The following GRIP1 variants were observed in gnomAD, a reference collection of about 807,000 sequenced individuals.
GRIP1 encodes glutamate receptor interacting protein 1.
A neutral mutation model predicts 129.9 loss-of-function variants in GRIP1; 45 were observed. The observed-to-expected ratio is 0.35, with a 90% CI of 0.27 to 0.44. GRIP1 has a LOEUF of 0.44. GRIP1 is among the 20% of genes least tolerant of loss of function. The pLI is 1.00. For missense variants in GRIP1, 1,196 were observed against 1,396.8 expected, an observed-to-expected ratio of 0.86 and a Z score of 2.29; for synonymous variants, 530 against 520.8, an observed-to-expected ratio of 1.02 and a Z score of -0.24.
chr12:66,772,841 T>G (rs944380317), intron 1 of GRIP1, among the ~76,000 whole-genome samples: 4 of 152,072 alleles, frequency 2.6e-5, no homozygotes, highest in African/African-American at 9.7e-5. Context: ...TTAGACTGAT[T>G]ATTGAAACCC....
rs932594999 is a variant in GRIP1 at position 66,672,545 on chromosome 12, A to C, written c.55+6305T>G. 2.0e-5 allele frequency among the ~76,000 whole-genome samples: 3 copies of C among 152,060 alleles called. No homozygotes were observed. The East Asian group carries it at 5.8e-4, about 29-fold the overall frequency. On this transcript the variant is annotated intron_variant, in intron 1 of 24. Transcript: ENST00000359742. ...ACAAATAATTATTTTAAAAATCTGC[A>C]AATAAGATTTTCTTCTGTATATTTA...
intron 24 of GRIP1, among the ~76,000 whole-genome samples, chr12:66,353,091 T>A (rs1008246349): frequency 6.6e-6 from 1 of 151,642 alleles, no homozygotes; most frequent in Non-Finnish European, 1.5e-5. Flanking sequence ...GTGCCTGGAG[T>A]CGGATAACTA....
chr12:67,058,270 G>T (rs559615808), intron 1 of GRIP1, among the ~76,000 whole-genome samples: 10 of 152,128 alleles, frequency 6.6e-5, no homozygotes, highest in Non-Finnish European at 1.5e-4. Flanking sequence ...CTCAAATGAT[G>T]AACTGTGCCT....
At chr12:66,631,668 G>A (rs2030800565) in intron 1 of GRIP1, among the ~76,000 whole-genome samples, 1 of 152,088 alleles carries the variant, frequency 6.6e-6, no homozygotes, top group Non-Finnish European at 1.5e-5. Flanking sequence ...GACTTTCTGT[G>A]TAACAAAGGG....
At chr12:66,615,329 C>A (rs2064993720) in intron 1 of GRIP1, among the ~76,000 whole-genome samples, 1 of 152,116 alleles carries the variant, frequency 6.6e-6, no homozygotes, top group Non-Finnish European at 1.5e-5. Context: ...AGTTATAGTG[C>A]AACCCTCTTT....
intron 1 of GRIP1, among the ~76,000 whole-genome samples, chr12:66,996,126 AG>A (rs1235121209): frequency 2.0e-5 from 3 of 152,038 alleles, no homozygotes; most frequent in Non-Finnish European, 2.9e-5. Flanking sequence ...GTAGTTGTCT[AG>A]GGGTAGAGAC....
chr12:66,540,529 G>A (rs1433769014), intron 3 of GRIP1, among the ~76,000 whole-genome samples: 2 of 152,152 alleles, frequency 1.3e-5, no homozygotes, highest in Non-Finnish European at 2.9e-5. Context: ...CTTCTTAAAA[G>A]CCTAAAGAAA....
chr12:66,376,408 A>C (rs985601813), intron 22 of GRIP1, among the ~76,000 whole-genome samples: 1 of 152,214 alleles, frequency 6.6e-6, no homozygotes, highest in African/African-American at 2.4e-5. Flanking sequence ...ACAGCTCAGA[A>C]AATTTAAAAG....
At chr12:66,955,443 A>G (rs535544878) in intron 1 of GRIP1, among the ~76,000 whole-genome samples, 1 of 151,234 alleles carries the variant, frequency 6.6e-6, no homozygotes, top group Admixed American at 6.6e-5. Context: ...AAATATTTCC[A>G]TTTATCATCC....
intron 1 of GRIP1, among the ~76,000 whole-genome samples, chr12:66,978,214 T>C (rs951473368): frequency 6.6e-6 from 1 of 152,106 alleles, no homozygotes; most frequent in Admixed American, 6.6e-5. Context: ...GACTCAACTC[T>C]GGGAATTTTT....
chr12:66,556,165 C>A lies in GRIP1; in HGVS notation c.137-14215G>T, dbSNP rs2062325110. ...CAAAGGCAAAGGAAAAAGAAAGAAT[C>A]CTAAAGGCAGCAAGAGAAAATAAAC... On this transcript the variant is annotated intron_variant, in intron 2 of 24. Transcript: ENST00000359742. Among the ~76,000 whole-genome samples the A allele has an allele frequency of 3.3e-5, 5 of 152,104 alleles. No homozygotes were observed. The South Asian group carries it at 1.0e-3, about 32-fold the overall frequency.
intron 1 of GRIP1, among the ~76,000 whole-genome samples, chr12:67,045,549 T>C (rs1315173589): frequency 1.3e-5 from 2 of 152,178 alleles, no homozygotes; most frequent in Non-Finnish European, 2.9e-5. Context: ...ACAAAGTCAC[T>C]TGCACACTGT....
At chr12:66,922,858 C>A (rs2041235634) in intron 1 of GRIP1, among the ~76,000 whole-genome samples, 1 of 152,180 alleles carries the variant, frequency 6.6e-6, no homozygotes, top group African/African-American at 2.4e-5. Flanking sequence ...ATCAAAAAGA[C>A]AGGATCTCCC....
chr12:66,547,631 T>A (rs1175775489), intron 2 of GRIP1, among the ~76,000 whole-genome samples: 3 of 152,190 alleles, frequency 2.0e-5, no homozygotes, highest in Non-Finnish European at 4.4e-5. Flanking sequence ...ACGACCCAGA[T>A]CAATTACCAG....
chr12:66,742,739 T>G (rs1285949904), intron 1 of GRIP1, among the ~76,000 whole-genome samples: 1 of 151,826 alleles, frequency 6.6e-6, no homozygotes, highest in Admixed American at 6.6e-5. Flanking sequence ...GATGATCATA[T>G]AAAATGGCAA....
chr12:66,899,039 T>C (rs2040799790), intron 1 of GRIP1, among the ~76,000 whole-genome samples: 1 of 152,150 alleles, frequency 6.6e-6, no homozygotes, highest in Non-Finnish European at 1.5e-5. Flanking sequence ...GGTTGTCTTG[T>C]TTTTCTGGTG....
At chr12:66,581,956 AG>A (rs1459531498) in intron 2 of GRIP1, among the ~76,000 whole-genome samples, 1 of 152,198 alleles carries the variant, frequency 6.6e-6, no homozygotes, top group African/African-American at 2.4e-5. Context: ...CAACGAAAAA[AG>A]AGAATTTTAG....
chr12:66,384,741 A>T (rs1178373041), intron 19 of GRIP1, among the ~76,000 whole-genome samples: 1 of 152,224 alleles, frequency 6.6e-6, no homozygotes, highest in Non-Finnish European at 1.5e-5. Context: ...CAATGGAGGG[A>T]CATCAGAGAT....
Position 66,405,702 on chromosome 12 carries a change from A to G in GRIP1, c.1984+581T>C, listed in dbSNP as rs193024791. On this transcript the variant is annotated intron_variant, in intron 16 of 24. Transcript: ENST00000359742. ...AGACATTTCCTTTGTATTCTTACTC[A>G]GCCATCCTGCTTCTAGGAATATTTT... is the stretch of plus-strand genomic sequence containing the variant. 2.7e-3 allele frequency among the ~76,000 whole-genome samples: 415 copies of G among 152,332 alleles called. 1 individual carries two copies. The highest frequency in any genetic ancestry group is 4.3e-3 in the Non-Finnish European group (294 of 68,028).
Sources: allele counts gnomAD v4.1 joint callset (sites outside exome capture counted in the v4.1 genomes callset), GRCh38; gene constraint gnomAD v4.1.1; transcripts MANE v1.5; gene names NCBI Gene and HGNC (gene_info 2026-07-23, HGNC 2026-07-21).